The following LMAN1 variants were observed in gnomAD, a reference collection of about 807,000 sequenced individuals.
The protein encoded by LMAN1 is protein ERGIC-53.
Under a neutral mutation model 67.8 loss-of-function variants are expected in LMAN1, and 32 were observed. That is an observed-to-expected ratio of 0.47 (90% CI 0.36 to 0.63). LMAN1 has a LOEUF of 0.63. Ranked by LOEUF, LMAN1 falls within the 30% of genes least tolerant of loss-of-function variation. LMAN1 has a pLI of 0.00. For synonymous variants in LMAN1, 235 were observed against 219.3 expected, an observed-to-expected ratio of 1.07 and a Z score of -0.63; for missense variants, 632 against 628.2, an observed-to-expected ratio of 1.01 and a Z score of -0.06.
Position 59,344,714 on chromosome 18 carries a change from A to G in LMAN1, c.955+1205T>C, listed in dbSNP as rs1466265823. On this transcript the variant is annotated intron_variant, in intron 8 of 12. Coordinates refer to ENST00000251047, the MANE Select transcript of LMAN1 (RefSeq NM_005570.4). The stretch of plus-strand genomic sequence containing the variant: ...ACTGAGTACCAGGTTCATTAGGGTG[A>G]GAGTACACTAAAACCCCAGACTTCA... Among the ~76,000 whole-genome samples, 6 of 152,314 alleles carry G rather than the reference A, an allele frequency of 3.9e-5. No homozygotes were observed. The East Asian group carries it at 1.2e-3, about 29-fold the overall frequency.
intron 6 of LMAN1, among the ~76,000 whole-genome samples, chr18:59,348,242 C>T (rs943165348): frequency 1.3e-5 from 2 of 152,208 alleles, no homozygotes; most frequent in Non-Finnish European, 2.9e-5. Flanking sequence ...TAATATCAAT[C>T]GTACAGCAAT....
intron 12 of LMAN1, 120 bp downstream of exon 12, chr18:59,331,298 A>G: frequency 8.5e-7 from 1 of 1,169,768 alleles, no homozygotes; most frequent in South Asian, 1.3e-5. Flanking sequence ...AACAGAAATC[A>G]CAATAAACTT....
At chr18:59,354,034 A>G (rs1908603720) in intron 4 of LMAN1, among the ~76,000 whole-genome samples, 1 of 152,246 alleles carries the variant, frequency 6.6e-6, no homozygotes, top group Admixed American at 6.5e-5. Context: ...TTGAATCCAC[A>G]GATACGGAAC....
intron 5 of LMAN1, 65 bp from the exon 6 acceptor site, chr18:59,349,301 C>A (rs1908489758): frequency 1.5e-6 from 2 of 1,356,404 alleles, no homozygotes; most frequent in Admixed American, 1.7e-5. Context: ...TCAATCGATC[C>A]ATTTTATGAC....
chr18:59,333,307 A>C, intron 10 of LMAN1, 63 bp from the exon 11 acceptor site: 2 of 1,266,908 alleles, frequency 1.6e-6, no homozygotes, highest in East Asian at 2.4e-5. Flanking sequence ...TCAGTCACAG[A>C]TCTCCAATAC....
At chr18:59,334,907 A>T (rs374752342) in intron 10 of LMAN1, among the ~76,000 whole-genome samples, 1 of 152,148 alleles carries the variant, frequency 6.6e-6, no homozygotes, top group Non-Finnish European at 1.5e-5. Context: ...ACTTGAGCTC[A>T]GTTTTTATAT....
At chr18:59,335,061 T>C (rs1463285727) in intron 10 of LMAN1, among the ~76,000 whole-genome samples, 1 of 152,180 alleles carries the variant, frequency 6.6e-6, no homozygotes, top group Non-Finnish European at 1.5e-5. Context: ...GATGTCCTAG[T>C]ACTACTGTTA....
intron 10 of LMAN1, 42 bp from the exon 11 acceptor site, chr18:59,333,286 GTT>G (rs10714229): frequency 9.8e-6 from 13 of 1,322,974 alleles, no homozygotes; most frequent in South Asian, 1.4e-5. Flanking sequence ...TCACTATAAA[GTT>G]TTTTTTTTTC....
chr18:59,349,010 C>T (rs1266534354), intron 6 of LMAN1, 103 bp downstream of exon 6: 2 of 1,380,282 alleles, frequency 1.4e-6, no homozygotes, highest in Non-Finnish European at 2.1e-6. Flanking sequence ...TCCAAACAGT[C>T]TTAAAAAGTT....
chr18:59,337,819 T>A (rs1322390195), intron 10 of LMAN1, among the ~76,000 whole-genome samples: 1 of 152,212 alleles, frequency 6.6e-6, no homozygotes, highest in Non-Finnish European at 1.5e-5. Context: ...ATAATCACCT[T>A]CTGTTTGATC....
In LMAN1 at chr18:59,329,215, T is replaced by A. The variant is rs1271479147; in HGVS notation, c.*1878A>T. 6.6e-6 allele frequency: 1 copy of A among 152,198 alleles called. No homozygotes were observed. Among genetic ancestry groups the A allele is most frequent in the Non-Finnish European group, 1.5e-5 (1 of 68,038 alleles). The allele number at this position is 152,198 out of a possible 1,614,324, so 9.4% of individuals were successfully genotyped here. ...AGTATAAAAGATAAAAGGCTCATGC[T>A]CATGCTGTTTCATAATAGCCATCTC... On this transcript the variant is annotated 3_prime_UTR_variant, in exon 13 of 13. Transcript: ENST00000251047.
At chr18:59,355,774 T>C (rs973327188) in intron 1 of LMAN1, 116 bp from the exon 2 acceptor site, 2 of 1,172,522 alleles carry the variant, frequency 1.7e-6, no homozygotes, top group Admixed American at 2.0e-5. Context: ...AATAATGATT[T>C]GGAAAAAATT....
chr18:59,338,739 C>A (rs780008620), intron 9 of LMAN1, 21 bp downstream of exon 9: 1 of 1,613,494 alleles, frequency 6.2e-7, no homozygotes, highest in South Asian at 1.1e-5. Context: ...TGGGGCACAT[C>A]TGCATATTCT....
chr18:59,355,808 A>C, intron 1 of LMAN1, 150 bp from the exon 2 acceptor site: 1 of 855,990 alleles, frequency 1.2e-6, no homozygotes, highest in Non-Finnish European at 1.8e-6. Flanking sequence ...TTTAACTTTA[A>C]AAGTTTAGGG....
intron 7 of LMAN1, among the ~76,000 whole-genome samples, chr18:59,347,007 G>A (rs1054126172): frequency 2.0e-5 from 3 of 151,830 alleles, no homozygotes; most frequent in African/African-American, 7.3e-5. Flanking sequence ...AAGGCAGGCG[G>A]ATCACAAGGT....
intron 8 of LMAN1, 79 bp downstream of exon 8, chr18:59,345,840 C>T: frequency 6.5e-7 from 1 of 1,530,256 alleles, no homozygotes; most frequent in East Asian, 2.2e-5. Flanking sequence ...ATGAGCTAGG[C>T]AACACAGAGA....
intron 8 of LMAN1, among the ~76,000 whole-genome samples, chr18:59,340,709 T>C (rs1156238621): frequency 1.3e-5 from 2 of 152,044 alleles, no homozygotes; most frequent in African/African-American, 2.4e-5. Context: ...ATAAAAGTTC[T>C]TATAAAACAA....
chr18:59,349,434 T>C (rs898970569), intron 5 of LMAN1, among the ~76,000 whole-genome samples, 198 bp from the exon 6 acceptor site: 2 of 152,206 alleles, frequency 1.3e-5, no homozygotes, highest in African/African-American at 4.8e-5. Context: ...GTCAAAAGTT[T>C]AAAGAGAGAA....
Position 59,331,557 on chromosome 18 carries a change from T to C in LMAN1, c.1375-18A>G. ...TTTGATGGCTGTAAGGCAAATGACT[T>C]TCTATTACAGTTAGTCAAAATAGCA... On this transcript the variant is annotated intron_variant, in intron 11 of 12. Coordinates refer to ENST00000251047, the MANE Select transcript of LMAN1 (RefSeq NM_005570.4). The C allele has an allele frequency of 6.2e-7, 1 of 1,612,100 alleles. No individual in the cohort carries two copies.
Sources: allele counts gnomAD v4.1 joint callset (sites outside exome capture counted in the v4.1 genomes callset), GRCh38; gene constraint gnomAD v4.1.1; transcripts MANE v1.5; gene names NCBI Gene and HGNC (gene_info 2026-07-23, HGNC 2026-07-21).